The following SLA variants were observed in gnomAD, a reference collection of about 807,000 sequenced individuals.
The protein encoded by SLA is Src like adaptor.
In SLA, 16 loss-of-function variants were observed where a neutral mutation model predicts 30.3. The ratio of observed to expected loss-of-function variants is 0.53; its 90% confidence interval spans 0.36 to 0.80. SLA has a LOEUF of 0.80. Among genes scored for constraint, SLA ranks in the 30% least tolerant of loss-of-function variants. The probability of loss-of-function intolerance (pLI) is 0.01; values close to 1 mark genes in which losing one functional copy is unlikely to be tolerated. For missense variants in SLA, 310 were observed against 345.2 expected (o/e 0.90, Z 0.81); for synonymous variants, 143 against 137.8 (o/e 1.04, Z -0.26).
intron 2 of SLA, chr8:133,063,799 TC>T (rs1842725546): frequency 6.6e-6 from 1 of 152,208 alleles, no homozygotes. Flanking sequence ...CTTTCTATAG[TC>T]TTCAAGAAGG....
chr8:133,045,826 A>T (rs1839275246), intron 6 of SLA, among the ~76,000 whole-genome samples: 1 of 151,854 alleles, frequency 6.6e-6, no homozygotes, highest in South Asian at 2.1e-4. Flanking sequence ...CTTCCCGAGT[A>T]CTCTCCAAGA....
At chr8:133,055,827 G>C (rs1489317183) in intron 3 of SLA, among the ~76,000 whole-genome samples, 3 of 10,848 alleles carry the variant, frequency 2.8e-4, no homozygotes, top group Admixed American at 9.7e-4. Flanking sequence ...CTCATCACCA[G>C]CAGCAGCAGC....
At chr8:133,039,371 A>AT (rs1268539596) in intron 8 of SLA, among the ~76,000 whole-genome samples, 35 of 152,286 alleles carry the variant, frequency 2.3e-4, no homozygotes, top group Non-Finnish European at 4.6e-4. Flanking sequence ...GTAAAAATTA[A>AT]TTTTTGTTAT....
chr8:133,041,928 C>T (rs913238800), intron 7 of SLA, among the ~76,000 whole-genome samples: 23 of 151,838 alleles, frequency 1.5e-4, no homozygotes, highest in African/African-American at 5.6e-4. Context: ...GCTGGGATTA[C>T]AGTTGCATGC....
chr8:133,093,139 CTTT>C (rs752795832), intron 1 of SLA, among the ~76,000 whole-genome samples: 30,410 of 146,376 alleles, frequency 0.21, 3,471 homozygotes, highest in Non-Finnish European at 0.27. Context: ...CTTTTCTTTT[CTTT>C]TTTTTTTTTA....
At chr8:133,080,992 G>A (rs1232249438) in intron 1 of SLA, among the ~76,000 whole-genome samples, 1 of 152,244 alleles carries the variant, frequency 6.6e-6, no homozygotes. Context: ...TTGGAGTAAC[G>A]AGCAAGAGAG....
At chr8:133,079,852 A>G (rs1043646773) in intron 1 of SLA, among the ~76,000 whole-genome samples, 4 of 151,954 alleles carry the variant, frequency 2.6e-5, no homozygotes, top group African/African-American at 9.7e-5. Flanking sequence ...GTGCTATAAA[A>G]CTGTTGATGG....
intron 1 of SLA, among the ~76,000 whole-genome samples, chr8:133,099,964 T>C (rs1318289881): frequency 2.0e-5 from 3 of 152,120 alleles, no homozygotes; most frequent in Admixed American, 2.0e-4. Context: ...CCTTTATAAG[T>C]CAGACCATTT....
intron 2 of SLA, among the ~76,000 whole-genome samples, chr8:133,066,123 A>G (rs887118542): frequency 6.6e-6 from 1 of 152,138 alleles, no homozygotes; most frequent in Non-Finnish European, 1.5e-5. Flanking sequence ...GGAGATCGAG[A>G]CCATCCTGGC....
chr8:133,039,870 A>C (rs1270204263), intron 8 of SLA, 128 bp downstream of exon 8: 3 of 1,449,190 alleles, frequency 2.1e-6, no homozygotes, highest in Non-Finnish European at 2.8e-6. Flanking sequence ...CAGTTTCAGC[A>C]GGGCTGGCTG....
chr8:133,097,644 T>C (rs183564164), intron 1 of SLA, among the ~76,000 whole-genome samples: 5 of 152,360 alleles, frequency 3.3e-5, no homozygotes, highest in Admixed American at 3.3e-4. Flanking sequence ...TGTGTATATT[T>C]GTATGTTTTT....
Position 133,049,883 on chromosome 8 carries a change from A to G in SLA, c.248+19T>C. The G allele has an allele frequency of 6.6e-7, 1 of 1,512,358 alleles. No individual in the cohort carries two copies. Among genetic ancestry groups the G allele is most frequent in the South Asian group, 1.1e-5 (1 of 89,060 alleles). The allele number at this position is 1,512,358 out of a possible 1,614,324, so 93.7% of individuals were successfully genotyped here. On this transcript the variant is annotated intron_variant, in intron 5 of 8. Transcript: ENST00000338087. ...ATACGCATCATGCTTAATTGCTGCCATTTGAGAAATGTACTCACCCATGGT... is the reference window on the plus strand; with the variant it reads ...ATACGCATCATGCTTAATTGCTGCCGTTTGAGAAATGTACTCACCCATGGT...
At chr8:133,050,395 T>C (rs558606686) in intron 4 of SLA, 151 of 273,364 alleles carry the variant, frequency 5.5e-4, no homozygotes, top group African/African-American at 3.1e-3. Flanking sequence ...TCATGTTCTA[T>C]AGCCCATATT....
intron 2 of SLA, among the ~76,000 whole-genome samples, chr8:133,061,762 T>C (rs954435076): frequency 9.9e-5 from 15 of 152,190 alleles, no homozygotes; most frequent in Non-Finnish European, 1.8e-4. Context: ...ACTCCCACCC[T>C]GGCCTTGAGT....
chr8:133,042,683 T>C (rs1838512293), intron 7 of SLA, among the ~76,000 whole-genome samples: 4 of 114,162 alleles, frequency 3.5e-5, no homozygotes, highest in East Asian at 2.4e-4. Context: ...TGTGTCTTTT[T>C]TTTTTTTTTT....
chr8:133,088,228 T>C (rs1457365046), intron 1 of SLA, among the ~76,000 whole-genome samples: 1 of 151,942 alleles, frequency 6.6e-6, no homozygotes, highest in Non-Finnish European at 1.5e-5. Context: ...ATGGCATTCC[T>C]GTGATGGAGG....
In SLA at chr8:133,047,818, G is replaced by C. The variant is rs767811506; in HGVS notation, c.352+12C>G. 2 of 1,418,440 alleles carry C rather than the reference G, an allele frequency of 1.4e-6. No individual in the cohort carries two copies. The highest frequency in any genetic ancestry group is 2.0e-6 in the Non-Finnish European group (2 of 1,000,926). 87.9% of individuals were successfully genotyped at this position (1,418,440 alleles called of 1,614,324 possible). On this transcript the variant is annotated intron_variant, in intron 6 of 8. Transcript: ENST00000338087. ...GCCCCGGATGGGGAAAGATGAGTTGGGGGCCACTCACCTTTCTTGGTCTCA... is the reference window on the plus strand; with the variant it reads ...GCCCCGGATGGGGAAAGATGAGTTGCGGGCCACTCACCTTTCTTGGTCTCA...
chr8:133,065,983 G>C (rs1842979739), intron 2 of SLA, among the ~76,000 whole-genome samples: 1 of 152,064 alleles, frequency 6.6e-6, no homozygotes, highest in African/African-American at 2.4e-5. Context: ...AAACAAGAGA[G>C]CGAGGCCAGT....
At chr8:133,069,222 C>T (rs576930740) in intron 2 of SLA, among the ~76,000 whole-genome samples, 1 of 152,352 alleles carries the variant, frequency 6.6e-6, no homozygotes, top group East Asian at 1.9e-4. Flanking sequence ...TTTATTGCAT[C>T]GTATTTCCCA....
Sources: allele counts gnomAD v4.1 joint callset (sites outside exome capture counted in the v4.1 genomes callset), GRCh38; gene constraint gnomAD v4.1.1; transcripts MANE v1.5; gene names NCBI Gene and HGNC (gene_info 2026-07-23, HGNC 2026-07-21).